The following CREM variants were observed in gnomAD, a reference collection of about 807,000 sequenced individuals.
The protein encoded by CREM is cAMP responsive element modulator.
Under a neutral mutation model 37.3 loss-of-function variants are expected in CREM, and 13 were observed. The ratio of observed to expected loss-of-function variants is 0.35; its 90% confidence interval spans 0.23 to 0.55. The LOEUF (loss-of-function observed/expected upper bound fraction) is 0.55. CREM is among the 20% of genes least tolerant of loss of function. CREM has a pLI of 0.88. For synonymous variants in CREM, 124 were observed against 120.2 expected (o/e 1.03, Z -0.21); for missense variants, 296 against 362.3 (o/e 0.82, Z 1.49).
intron 6 of CREM, among the ~76,000 whole-genome samples, chr10:35,200,817 C>G (rs1457435862): frequency 6.6e-6 from 1 of 152,156 alleles, no homozygotes; most frequent in Non-Finnish European, 1.5e-5. Context: ...CAGGAACTCT[C>G]TATATAAAAA....
chr10:35,175,772 G>A, intron 3 of CREM: 1 of 1,613,936 alleles, frequency 6.2e-7, no homozygotes, highest in Non-Finnish European at 8.5e-7. Flanking sequence ...AGTCATATTA[G>A]TGAGTGGTAT....
chr10:35,162,893 C>T (rs1418754321), intron 3 of CREM, among the ~76,000 whole-genome samples: 1 of 152,072 alleles, frequency 6.6e-6, no homozygotes, highest in African/African-American at 2.4e-5. Context: ...TCATGGCCAC[C>T]AGAAAATAAA....
At chr10:35,201,875 C>A (rs2095395375) in intron 6 of CREM, among the ~76,000 whole-genome samples, 1 of 152,176 alleles carries the variant, frequency 6.6e-6, no homozygotes, top group Admixed American at 6.6e-5. Context: ...ATAAGAAAGA[C>A]TGCTTATTTT....
At chr10:35,150,669 A>C (rs1301506312) in intron 3 of CREM, among the ~76,000 whole-genome samples, 2 of 152,024 alleles carry the variant, frequency 1.3e-5, no homozygotes, top group African/African-American at 4.8e-5. Context: ...TAAAAATACA[A>C]AACTAGGTGG....
intron 6 of CREM, among the ~76,000 whole-genome samples, chr10:35,199,858 G>A (rs2095330871): frequency 7.3e-6 from 1 of 137,392 alleles, no homozygotes; most frequent in South Asian, 2.4e-4. Context: ...ATGAGGTTAG[G>A]TTAATATTAT....
chr10:35,175,951 G>T, intron 3 of CREM: 2 of 1,551,368 alleles, frequency 1.3e-6, no homozygotes, highest in Non-Finnish European at 1.7e-6. Flanking sequence ...GAGTAATTCA[G>T]ACACCACAGC....
chr10:35,172,572 G>GT (rs11296111), intron 3 of CREM, among the ~76,000 whole-genome samples: 36 of 147,396 alleles, frequency 2.4e-4, no homozygotes, highest in African/African-American at 8.2e-4. Flanking sequence ...TCCACTTGCA[G>GT]TTTTTTTTTT....
At chr10:35,193,382 T>C (rs537729361) in intron 6 of CREM, among the ~76,000 whole-genome samples, 74 of 152,328 alleles carry the variant, frequency 4.9e-4, no homozygotes, top group African/African-American at 1.7e-3. Flanking sequence ...GCCTTTTTTT[T>C]CACACCAATA....
intron 7 of CREM, chr10:35,209,254 C>T (rs753749449): frequency 3.1e-5 from 28 of 918,028 alleles, no homozygotes; most frequent in African/African-American, 7.2e-5. Context: ...CATCTATAAT[C>T]GATATCTCAT....
At chr10:35,175,699 C>T in intron 3 of CREM, 2 of 1,614,114 alleles carry the variant, frequency 1.2e-6, no homozygotes, top group South Asian at 2.2e-5. Flanking sequence ...GTAACCACCT[C>T]CCGATGGTAA....
At chr10:35,164,886 C>CA (rs549688960) in intron 3 of CREM, among the ~76,000 whole-genome samples, 1 of 151,418 alleles carries the variant, frequency 6.6e-6, no homozygotes, top group South Asian at 2.1e-4. Flanking sequence ...CCTGTCTCTA[C>CA]AAAAAAATAC....
intron 1 of CREM, among the ~76,000 whole-genome samples, chr10:35,136,790 G>GTTT (rs56403246): frequency 8.3e-6 from 1 of 120,854 alleles, no homozygotes. Flanking sequence ...AGGACTCTCA[G>GTTT]TTTTTTTTTT....
intron 3 of CREM, among the ~76,000 whole-genome samples, chr10:35,169,737 A>G (rs1158519968): frequency 6.6e-6 from 1 of 152,042 alleles, no homozygotes; most frequent in Admixed American, 6.6e-5. Flanking sequence ...GTTTGTCATA[A>G]ATAGCTCTTA....
chr10:35,191,163 ATTCT>A (rs2094903486), intron 6 of CREM, among the ~76,000 whole-genome samples: 1 of 150,740 alleles, frequency 6.6e-6, no homozygotes, highest in Non-Finnish European at 1.5e-5. Flanking sequence ...GATCTTGCAT[ATTCT>A]TTCTTTAGTT....
In CREM at chr10:35,189,170, G is replaced by GT. The variant is rs1370396660; in HGVS notation, c.598+788dup. On this transcript the variant is annotated intron_variant, in intron 6 of 7. Coordinates refer to ENST00000685392, the MANE Select transcript of CREM (RefSeq NM_183011.2). Reference sequence around the variant, plus strand: ...ATTTCAAAACAAATGCTGACTTTGGGTTTTTTGTTTTTTTTTGTTTGTTTG... The same window carrying GT: ...ATTTCAAAACAAATGCTGACTTTGGGTTTTTTTGTTTTTTTTTGTTTGTTTG... 5.6e-4 allele frequency among the ~76,000 whole-genome samples: 79 copies of GT among 140,208 alleles called. 1 individual carries two copies. Among genetic ancestry groups the GT allele is most frequent in the Admixed American group, 1.3e-3 (18 of 13,826 alleles). The allele number at this position is 140,208 out of a possible 152,430, so 92.0% of individuals were successfully genotyped here. A position where few individuals can be genotyped will look rare whatever the true frequency, so the allele number is the denominator to read the frequency against.
intron 6 of CREM, among the ~76,000 whole-genome samples, chr10:35,202,081 A>G (rs2095400678): frequency 6.6e-6 from 1 of 152,212 alleles, no homozygotes; most frequent in South Asian, 2.1e-4. Flanking sequence ...GTTAGTGTAC[A>G]AATATCTTAT....
At chr10:35,132,974 G>A (rs1017002352) in intron 1 of CREM, among the ~76,000 whole-genome samples, 2 of 152,138 alleles carry the variant, frequency 1.3e-5, no homozygotes, top group African/African-American at 4.8e-5. Context: ...CTAAAACCTT[G>A]CTTCATCACA....
At chr10:35,186,968 T>A (rs1166986342) in intron 5 of CREM, among the ~76,000 whole-genome samples, 7 of 94,292 alleles carry the variant, frequency 7.4e-5, no homozygotes, top group Non-Finnish European at 9.3e-5. Flanking sequence ...AATATATAAT[T>A]TATATATTAT....
In CREM at chr10:35,169,263, T is replaced by C. The variant is rs183300699; in HGVS notation, c.169-9626T>C. 1.1e-3 allele frequency among the ~76,000 whole-genome samples: 169 copies of C among 152,340 alleles called. 1 individual carries two copies. The East Asian group carries it at 0.012, about 10-fold the overall frequency. On this transcript the variant is annotated intron_variant, in intron 3 of 7. Coordinates refer to ENST00000685392, the MANE Select transcript of CREM (RefSeq NM_183011.2). ...TGTTCTTCCATTTGTTTGTGTCCTC[T>C]TTTATTTCATTGAGCAGTGGTTTGT... is the stretch of plus-strand genomic sequence containing the variant.
Sources: allele counts gnomAD v4.1 joint callset (sites outside exome capture counted in the v4.1 genomes callset), GRCh38; gene constraint gnomAD v4.1.1; transcripts MANE v1.5; gene names NCBI Gene and HGNC (gene_info 2026-07-23, HGNC 2026-07-21).